Variants in MNAT1 observed in about 807,000 individuals in gnomAD.
MNAT1 encodes MNAT1 component of CDK activating kinase.
A neutral mutation model predicts 42.0 loss-of-function variants in MNAT1; 43 were observed. The ratio of observed to expected loss-of-function variants is 1.02; its 90% CI spans 0.80 to 1.32. MNAT1 has a LOEUF of 1.32. Ranked by LOEUF, MNAT1 falls within the 40% of genes most tolerant of loss-of-function variation. The pLI is 0.00. For synonymous variants in MNAT1, 118 were observed against 120.0 expected (o/e 0.98, Z 0.11); for missense variants, 306 against 350.4 (o/e 0.87, Z 1.01).
chr14:60,836,977 G>T (rs562613251), intron 6 of MNAT1, among the ~76,000 whole-genome samples: 1 of 152,328 alleles, frequency 6.6e-6, no homozygotes, highest in African/African-American at 2.4e-5. Context: ...GGCTACAGCA[G>T]CTTTGTGGCA....
chr14:60,751,071 G>C (rs1016987675), intron 1 of MNAT1, among the ~76,000 whole-genome samples: 1 of 151,630 alleles, frequency 6.6e-6, no homozygotes, highest in African/African-American at 2.4e-5. Context: ...CATCTTTCTA[G>C]TTGTATTTTA....
intron 6 of MNAT1, among the ~76,000 whole-genome samples, chr14:60,850,928 A>C (rs1319178919): frequency 1.3e-5 from 2 of 152,242 alleles, no homozygotes; most frequent in East Asian, 3.8e-4. Context: ...TAAATAGGCT[A>C]ATCAGAAATA....
chr14:60,750,790 G>A (rs1224682164), intron 1 of MNAT1, among the ~76,000 whole-genome samples: 2 of 151,954 alleles, frequency 1.3e-5, no homozygotes, highest in African/African-American at 4.8e-5. Context: ...TTAGCATCAG[G>A]GGAACAAAAA....
intron 7 of MNAT1, among the ~76,000 whole-genome samples, chr14:60,930,996 T>C (rs1238236963): frequency 6.6e-6 from 1 of 152,168 alleles, no homozygotes; most frequent in Non-Finnish European, 1.5e-5. Context: ...CAGATTTATA[T>C]TTTAGAAAAA....
intron 6 of MNAT1, among the ~76,000 whole-genome samples, chr14:60,844,926 A>G (rs959405215): frequency 2.6e-5 from 4 of 151,960 alleles, no homozygotes; most frequent in Non-Finnish European, 4.4e-5. Context: ...AAATTGATTC[A>G]TTTTTATATA....
intron 7 of MNAT1, among the ~76,000 whole-genome samples, chr14:60,917,434 G>T (rs578194053): frequency 1.3e-5 from 2 of 151,968 alleles, no homozygotes; most frequent in African/African-American, 2.4e-5. Context: ...TAAATATAGC[G>T]CAATCAAATT....
intron 6 of MNAT1, 118 bp from the exon 7 acceptor site, chr14:60,879,596 C>T (rs779243816): frequency 1.0e-6 from 1 of 978,366 alleles, no homozygotes; most frequent in East Asian, 2.7e-5. Flanking sequence ...TGGAACAGCA[C>T]AACTAATGGC....
chr14:60,959,551 T>G (rs2036550387), intron 7 of MNAT1, among the ~76,000 whole-genome samples: 2 of 152,150 alleles, frequency 1.3e-5, no homozygotes, highest in African/African-American at 2.4e-5. Context: ...GGAGTTCCTT[T>G]TCTATGCTGA....
intron 1 of MNAT1, among the ~76,000 whole-genome samples, chr14:60,790,893 A>G (rs541654707): frequency 9.2e-5 from 14 of 152,172 alleles, no homozygotes; most frequent in Admixed American, 6.5e-4. Flanking sequence ...TATATTTCCA[A>G]CCTCTTTCTA....
At chr14:60,786,995 C>T (rs1385857460) in intron 1 of MNAT1, among the ~76,000 whole-genome samples, 1 of 152,098 alleles carries the variant, frequency 6.6e-6, no homozygotes, top group Non-Finnish European at 1.5e-5. Flanking sequence ...TGAATTTGCC[C>T]TTCCTTTCCC....
intron 1 of MNAT1, chr14:60,780,258 G>T (rs1177115225): frequency 2.1e-6 from 3 of 1,431,684 alleles, no homozygotes; most frequent in African/African-American, 1.4e-5. Context: ...ATTGAAAGTG[G>T]TGAGGTCCTG....
At chr14:60,810,294 G>A (rs2032502292) in intron 4 of MNAT1, among the ~76,000 whole-genome samples, 1 of 151,730 alleles carries the variant, frequency 6.6e-6, no homozygotes, top group Admixed American at 6.6e-5. Context: ...ACTTAATTTT[G>A]TTAATTTTTT....
chr14:60,755,812 C>T (rs535867628), intron 1 of MNAT1, among the ~76,000 whole-genome samples: 3 of 152,202 alleles, frequency 2.0e-5, no homozygotes, highest in African/African-American at 7.2e-5. Context: ...CATATATAGT[C>T]CAATAAGATG....
chr14:60,907,985 G>C (rs1321257601), intron 7 of MNAT1, among the ~76,000 whole-genome samples: 1 of 152,026 alleles, frequency 6.6e-6, no homozygotes, highest in Non-Finnish European at 1.5e-5. Context: ...TTAACAAAAA[G>C]TATTCTCCAG....
chr14:60,903,870 T>G (rs561205675), intron 7 of MNAT1, among the ~76,000 whole-genome samples: 6 of 149,888 alleles, frequency 4.0e-5, no homozygotes, highest in Admixed American at 4.0e-4. Context: ...TGTAAGTTTT[T>G]TTTTTTTTTT....
rs1401833024 is a variant in MNAT1, at chr14:60,968,695, CTCT to C, written c.*348_*350del. 1 of 388,674 alleles carries C rather than the reference CTCT, an allele frequency of 2.6e-6. No individual in the cohort carries two copies. Among genetic ancestry groups the C allele is most frequent in the Non-Finnish European group, 4.4e-6 (1 of 225,160 alleles). The allele number at this position is 388,674 out of a possible 1,614,324, so 24.1% of individuals were successfully genotyped here. On this transcript the variant is annotated 3_prime_UTR_variant, in exon 8 of 8. Transcript: ENST00000261245. ...ATTTATATTAAGTTCTGTGGTTTTTCTCTTATTACAGTGTTTTACTTGAACACA... is the reference window on the plus strand; with the variant it reads ...ATTTATATTAAGTTCTGTGGTTTTTCTATTACAGTGTTTTACTTGAACACA...
At chr14:60,923,351 C>T (rs931523617) in intron 7 of MNAT1, among the ~76,000 whole-genome samples, 2 of 152,168 alleles carry the variant, frequency 1.3e-5, no homozygotes, top group South Asian at 2.1e-4. Flanking sequence ...ACTTTGAGAA[C>T]CACTAGCTTA....
rs148615967 is a variant in MNAT1 at position 60,767,790 on chromosome 14, G to A, written c.90-28427G>A. Among the ~76,000 whole-genome samples the A allele has an allele frequency of 2.5e-3, 372 of 151,482 alleles. 3 individuals are homozygous for A. The highest frequency in any genetic ancestry group is 4.3e-3 in the Non-Finnish European group (289 of 67,890). On this transcript the variant is annotated intron_variant, in intron 1 of 7. Coordinates refer to ENST00000261245, the MANE Select transcript of MNAT1 (RefSeq NM_002431.4). ...TATTTTTTTTGTTTGTTTTGAGATG[G>A]AGTCTCACTCTGTCGCCAGGCTGGA...
intron 2 of MNAT1, 53 bp downstream of exon 2, chr14:60,796,422 T>C (rs750031733): frequency 6.8e-7 from 1 of 1,471,310 alleles, no homozygotes; most frequent in East Asian, 2.4e-5. Context: ...TTAACAATTA[T>C]GTCAGTAATT....
Sources: allele counts gnomAD v4.1 joint callset (sites outside exome capture counted in the v4.1 genomes callset), GRCh38; gene constraint gnomAD v4.1.1; transcripts MANE v1.5; gene names NCBI Gene and HGNC (gene_info 2026-07-23, HGNC 2026-07-21).